KLHL6: variants seen among roughly 807,000 people sequenced by gnomAD.
The protein encoded by KLHL6 is kelch like family member 6.
KLHL6 carries 41 observed loss-of-function variants against 58.6 expected under a neutral mutation model. The observed-to-expected ratio is 0.70, with a 90% CI of 0.55 to 0.91. KLHL6 has a LOEUF of 0.91. KLHL6 is among the 40% of genes least tolerant of loss of function. The probability of loss-of-function intolerance (pLI) is 0.00; values close to 1 mark genes in which losing one functional copy is unlikely to be tolerated. For synonymous variants in KLHL6, 338 were observed against 322.7 expected, an observed-to-expected ratio of 1.05 and a Z score of -0.51; for missense variants, 714 against 805.6, an observed-to-expected ratio of 0.89 and a Z score of 1.38.
chr3:183,543,974 G>A (rs1394542835), intron 1 of KLHL6, among the ~76,000 whole-genome samples: 11 of 151,992 alleles, frequency 7.2e-5, no homozygotes. Flanking sequence ...GACCAGCCTG[G>A]CCAACATGGT....
rs1354716218 is a variant in KLHL6, at chr3:183,508,080, CA to C, written c.887del (p.Met296SerfsTer27). The C allele has an allele frequency of 1.9e-6, 3 of 1,613,842 alleles. No individual in the cohort carries two copies. The highest frequency in any genetic ancestry group is 2.5e-6 in the Non-Finnish European group (3 of 1,179,876). On this transcript the variant is annotated frameshift_variant, in exon 3 of 7. Transcript: ENST00000341319. LOFTEE classifies it high-confidence loss of function. ...EVFPLLQEAR[M>X]YHLSGNEIIS... Reference sequence around the variant, plus strand: ...TCACCTCATTGCCAGAAAGGTGGTACATCCTGGCTTCCTGGAGCAGCGGGAA... The same window carrying C: ...TCACCTCATTGCCAGAAAGGTGGTACTCCTGGCTTCCTGGAGCAGCGGGAA...
Position 183,527,927 on chromosome 3 carries a change from A to T in KLHL6, c.377T>A (p.Leu126Gln). 6.2e-7 allele frequency: 1 copy of T among 1,614,110 alleles called. No individual in the cohort carries two copies. Among genetic ancestry groups the T allele is most frequent in the Non-Finnish European group, 8.5e-7 (1 of 1,180,010 alleles). The change falls in exon 2 of 7, where the codon CTG (leucine) becomes CAG (glutamine). Residue 126 changes from leucine (L) to glutamine (Q), a missense_variant. Around this residue, in one of 2 missense-constraint regions of KLHL6, gnomAD observed 204 missense variants for 175.9 expected, o/e 1.16. Coordinates refer to ENST00000341319, the MANE Select transcript of KLHL6 (RefSeq NM_130446.4). Reference protein sequence around the residue: ...KGVDAETMHTLLDYTYTSKAL... With the variant: ...KGVDAETMHTQLDYTYTSKAL... Reference sequence around the variant, plus strand: ...CTTGCTGGTGTACGTGTAGTCCAACAGAGTGTGCATGGTCTCAGCATCAAC... The same window carrying T: ...CTTGCTGGTGTACGTGTAGTCCAACTGAGTGTGCATGGTCTCAGCATCAAC...
chr3:183,506,818 A>C (rs1361155041), intron 3 of KLHL6, among the ~76,000 whole-genome samples: 2 of 148,880 alleles, frequency 1.3e-5, no homozygotes, highest in African/African-American at 5.0e-5. Context: ...ACAGAGCAAG[A>C]CCTCCTCTCA....
chr3:183,492,279 T>C lies in KLHL6; in HGVS notation c.1565-51A>G, dbSNP rs1227125306. ...GGCATCGCTCCATTTTTCTGGTTTC[T>C]TCCCTCTTAACCACTAAAATTCAAC... On this transcript the variant is annotated intron_variant, in intron 6 of 6. Coordinates refer to ENST00000341319, the MANE Select transcript of KLHL6 (RefSeq NM_130446.4). This position sits in a 1 kb window ranked among gnomAD's most constrained non-coding sequence, Gnocchi z 5.9. The C allele has an allele frequency of 6.7e-7, 1 of 1,490,666 alleles. No individual in the cohort carries two copies. Among genetic ancestry groups the C allele is most frequent in the East Asian group, 2.4e-5 (1 of 41,808 alleles). The allele number at this position is 1,490,666 out of a possible 1,614,324, so 92.3% of individuals were successfully genotyped here.
At chr3:183,540,916 G>A (rs1160182584) in intron 1 of KLHL6, among the ~76,000 whole-genome samples, 1 of 152,124 alleles carries the variant, frequency 6.6e-6, no homozygotes, top group Non-Finnish European at 1.5e-5. Flanking sequence ...AGCAGGGTCC[G>A]CATTTGCGCT....
At chr3:183,518,043 C>T (rs943296126) in intron 2 of KLHL6, among the ~76,000 whole-genome samples, 3 of 152,172 alleles carry the variant, frequency 2.0e-5, no homozygotes, top group African/African-American at 7.2e-5. Context: ...ACTTTTCTCC[C>T]AATCCTACTG....
chr3:183,498,445 G>A (rs1426495404), intron 4 of KLHL6, among the ~76,000 whole-genome samples: 2 of 152,150 alleles, frequency 1.3e-5, no homozygotes, highest in Non-Finnish European at 2.9e-5. Context: ...GTCCCAGGGA[G>A]AGCCAGGTGG....
At chr3:183,503,324 A>T (rs2108670575) in intron 3 of KLHL6, among the ~76,000 whole-genome samples, 1 of 152,374 alleles carries the variant, frequency 6.6e-6, no homozygotes, top group Non-Finnish European at 1.5e-5. Context: ...TGAAAACTTA[A>T]GAGGCAGTTA....
rs1436984345 is a variant in KLHL6, at chr3:183,499,422, A to G, written c.1147+168T>C. On this transcript the variant is annotated intron_variant, in intron 4 of 6. Coordinates refer to ENST00000341319, the MANE Select transcript of KLHL6 (RefSeq NM_130446.4). This position sits in a 1 kb window ranked among gnomAD's most constrained non-coding sequence, Gnocchi z 4.6. ...TTTTTTGTTTATTAAGTAGCAATGTACTCTCCAAGATAAGACCACCTGAGC... is the reference window on the plus strand; with the variant it reads ...TTTTTTGTTTATTAAGTAGCAATGTGCTCTCCAAGATAAGACCACCTGAGC... Among the ~76,000 whole-genome samples, 2 of 152,012 alleles carry G rather than the reference A, an allele frequency of 1.3e-5. No homozygotes were observed. The highest frequency in any genetic ancestry group is 2.9e-5 in the Non-Finnish European group (2 of 68,010).
chr3:183,518,318 T>G (rs12496193), intron 2 of KLHL6, among the ~76,000 whole-genome samples: 77,726 of 151,952 alleles, frequency 0.51, 20,537 homozygotes, highest in Non-Finnish European at 0.58. Context: ...CTCACACTGA[T>G]GGTTCTACCT....
chr3:183,553,023 C>T (rs1308791664), intron 1 of KLHL6, among the ~76,000 whole-genome samples: 1 of 152,030 alleles, frequency 6.6e-6, no homozygotes, highest in Non-Finnish European at 1.5e-5. Flanking sequence ...CCACAGTAAG[C>T]GCTCCACAAA....
intron 2 of KLHL6, among the ~76,000 whole-genome samples, chr3:183,509,550 A>G (rs1164664285): frequency 2.0e-5 from 3 of 152,226 alleles, no homozygotes; most frequent in Non-Finnish European, 4.4e-5. Flanking sequence ...CTCACGTCTC[A>G]GGGGCTTACA....
At chr3:183,500,961 T>A (rs1717850888) in intron 3 of KLHL6, among the ~76,000 whole-genome samples, 2 of 152,326 alleles carry the variant, frequency 1.3e-5, no homozygotes, top group Non-Finnish European at 2.9e-5. Context: ...ACCAGCCAAC[T>A]CCCAGCCTCT....
chr3:183,491,921 C>G lies in KLHL6; in HGVS notation c.*6G>C. On this transcript the variant is annotated 3_prime_UTR_variant, in exon 7 of 7. Coordinates refer to ENST00000341319, the MANE Select transcript of KLHL6 (RefSeq NM_130446.4). ...CGGGGGGGCTCTCCAGCTCCCCATC[C>G]TGCCGTCAGACAGACACTGCTCCGG... 1 of 1,469,440 alleles carries G rather than the reference C, an allele frequency of 6.8e-7. No homozygotes were observed. Among genetic ancestry groups the G allele is most frequent in the Non-Finnish European group, 9.0e-7 (1 of 1,106,208 alleles). The allele number at this position is 1,469,440 out of a possible 1,614,324, so 91.0% of individuals were successfully genotyped here. A position where few individuals can be genotyped will look rare whatever the true frequency, so the allele number is the denominator to read the frequency against.
At chr3:183,537,685 T>C (rs567571203) in intron 1 of KLHL6, among the ~76,000 whole-genome samples, 1 of 152,136 alleles carries the variant, frequency 6.6e-6, no homozygotes, top group East Asian at 1.9e-4. Context: ...CCACAAACAC[T>C]GCCTGGCCAC....
intron 4 of KLHL6, among the ~76,000 whole-genome samples, chr3:183,494,983 A>G (rs918129437): frequency 6.6e-6 from 1 of 152,238 alleles, no homozygotes; most frequent in Admixed American, 6.5e-5. Context: ...ACAAAGACAA[A>G]GGAGAACTGA....
At chr3:183,516,661 C>T (rs1711574273) in intron 2 of KLHL6, among the ~76,000 whole-genome samples, 2 of 152,218 alleles carry the variant, frequency 1.3e-5, no homozygotes, top group African/African-American at 4.8e-5. Flanking sequence ...TCCTAGGGGA[C>T]TTCACCCATG....
chr3:183,542,310 G>C (rs1012278055), intron 1 of KLHL6, among the ~76,000 whole-genome samples: 1 of 152,164 alleles, frequency 6.6e-6, no homozygotes, highest in African/African-American at 2.4e-5. Context: ...TGTAAGTCAT[G>C]TTTCAAACTC....
intron 1 of KLHL6, among the ~76,000 whole-genome samples, chr3:183,533,623 T>G (rs886982395): frequency 1.3e-5 from 2 of 152,092 alleles, no homozygotes; most frequent in Non-Finnish European, 2.9e-5. Context: ...AGGTAACTGT[T>G]TATGGCTTCC....
Sources: allele counts gnomAD v4.1 joint callset (sites outside exome capture counted in the v4.1 genomes callset), GRCh38; gene constraint gnomAD v4.1.1; regional missense constraint gnomAD v4.1.1; non-coding constraint Gnocchi (gnomAD v3.1); transcripts MANE v1.5; gene names NCBI Gene and HGNC (gene_info 2026-07-23, HGNC 2026-07-21).